Variants in RAB38 observed in about 807,000 individuals in gnomAD.
RAB38 encodes ras-related protein Rab-38.
Under a neutral mutation model 18.4 loss-of-function variants are expected in RAB38, and 15 were observed. The observed-to-expected ratio is 0.82, with a 90% CI of 0.55 to 1.26. RAB38 has a LOEUF of 1.26. Ranked by LOEUF, RAB38 falls within the 50% of genes most tolerant of loss-of-function variation. The pLI, the probability that RAB38 is intolerant of heterozygous loss-of-function variation, is 0.00. For missense variants in RAB38, 294 were observed against 267.4 expected (o/e 1.10, Z -0.69); for synonymous variants, 101 against 104.4 (o/e 0.97, Z 0.20).
At chr11:88,164,068 G>C (rs989722945) in intron 1 of RAB38, among the ~76,000 whole-genome samples, 3 of 152,074 alleles carry the variant, frequency 2.0e-5, no homozygotes, top group Admixed American at 6.6e-5. Context: ...TGAACTGTAA[G>C]CTCAAATGTA....
chr11:87,976,494 T>A, the RAB38 span, among the ~76,000 whole-genome samples: 2 of 105,524 alleles, frequency 1.9e-5, no homozygotes, highest in Non-Finnish European at 3.5e-5. Flanking sequence ...TTTTATATAT[T>A]TATATATTTG....
At chr11:88,156,415 A>G (rs1943125714) in intron 1 of RAB38, among the ~76,000 whole-genome samples, 1 of 152,220 alleles carries the variant, frequency 6.6e-6, no homozygotes, top group Non-Finnish European at 1.5e-5. Flanking sequence ...CAAGAATGTC[A>G]TATCCCAGCT....
chr11:88,053,039 T>G, the RAB38 span, among the ~76,000 whole-genome samples: 1 of 87,344 alleles, frequency 1.1e-5, no homozygotes, highest in Non-Finnish European at 2.4e-5. Flanking sequence ...ATATATAATA[T>G]ATACATATAT....
the RAB38 span, among the ~76,000 whole-genome samples, chr11:87,916,924 C>T: frequency 6.6e-6 from 1 of 152,142 alleles, no homozygotes; most frequent in East Asian, 1.9e-4. Flanking sequence ...TATTATCTCA[C>T]ATGCTTATGA....
chr11:88,175,161 G>C, intron 1 of RAB38, 22 bp downstream of exon 1: 1 of 1,568,912 alleles, frequency 6.4e-7, no homozygotes, highest in Non-Finnish European at 8.7e-7. Flanking sequence ...CTATCCCCCT[G>C]ACCCCCTCCC....
intron 2 of RAB38, among the ~76,000 whole-genome samples, chr11:88,116,908 G>A (rs768839874): frequency 2.4e-4 from 37 of 152,184 alleles, no homozygotes; most frequent in African/African-American, 5.5e-4. Flanking sequence ...AATTCAATGC[G>A]TGTGGGAAAA....
chr11:87,952,160 T>G, the RAB38 span, among the ~76,000 whole-genome samples: 1 of 151,946 alleles, frequency 6.6e-6, no homozygotes, highest in South Asian at 2.1e-4. Flanking sequence ...ATCGGGAGGG[T>G]GGCCAGAGGA....
chr11:87,969,300 TC>T, the RAB38 span, among the ~76,000 whole-genome samples: 12 of 151,004 alleles, frequency 7.9e-5, no homozygotes, highest in East Asian at 1.9e-4. Flanking sequence ...ACCACACATA[TC>T]CCCCCCCAAT....
chr11:87,935,773 C>G, the RAB38 span, among the ~76,000 whole-genome samples: 6 of 152,064 alleles, frequency 3.9e-5, no homozygotes, highest in Non-Finnish European at 8.8e-5. Flanking sequence ...TCCCTGCATC[C>G]ATGAACCTGT....
the RAB38 span, among the ~76,000 whole-genome samples, chr11:88,053,062 T>TA: frequency 1.5e-4 from 4 of 26,564 alleles, no homozygotes; most frequent in Non-Finnish European, 3.8e-4. Flanking sequence ...AATATATATA[T>TA]TATATATATA....
the RAB38 span, among the ~76,000 whole-genome samples, chr11:87,974,983 G>A: frequency 6.6e-6 from 1 of 151,842 alleles, no homozygotes; most frequent in African/African-American, 2.4e-5. Context: ...TGTTGGCAGG[G>A]TTGCTTCCTT....
the RAB38 span, among the ~76,000 whole-genome samples, chr11:87,930,016 A>T: frequency 1.7e-4 from 26 of 152,168 alleles, no homozygotes; most frequent in African/African-American, 5.5e-4. Context: ...ATAGTGCCGC[A>T]ATAAACATAC....
the RAB38 span, among the ~76,000 whole-genome samples, chr11:87,956,721 A>G: frequency 6.6e-6 from 1 of 152,164 alleles, no homozygotes; most frequent in African/African-American, 2.4e-5. Flanking sequence ...TATAAAGCAT[A>G]GTTATAAAAC....
chr11:87,829,547 C>T, the RAB38 span, among the ~76,000 whole-genome samples: 19 of 152,144 alleles, frequency 1.2e-4, no homozygotes, highest in East Asian at 1.9e-3. Flanking sequence ...ATAAAACCAT[C>T]GGATCTTGTG....
At chr11:87,805,310 A>G in the RAB38 span, among the ~76,000 whole-genome samples, 12 of 152,154 alleles carry the variant, frequency 7.9e-5, no homozygotes, top group African/African-American at 2.2e-4. Context: ...ACAAACACCT[A>G]TGCATATACA....
the RAB38 span, among the ~76,000 whole-genome samples, chr11:87,962,814 C>T: frequency 6.6e-6 from 1 of 152,020 alleles, no homozygotes; most frequent in Non-Finnish European, 1.5e-5. Context: ...TAGATGTTTT[C>T]ACCATAAAAA....
chr11:87,830,215 T>C, the RAB38 span, among the ~76,000 whole-genome samples: 2 of 152,150 alleles, frequency 1.3e-5, no homozygotes, highest in Admixed American at 6.6e-5. Context: ...GTGAAGTGAC[T>C]CATGCCTATA....
chr11:88,062,316 C>G, the RAB38 span, among the ~76,000 whole-genome samples: 1 of 152,070 alleles, frequency 6.6e-6, no homozygotes, highest in East Asian at 1.9e-4. Context: ...ATACACTCCT[C>G]TCTCTCACCT....
At chr11:87,847,223 A>T in the RAB38 span, among the ~76,000 whole-genome samples, 4 of 152,142 alleles carry the variant, frequency 2.6e-5, no homozygotes, top group East Asian at 1.9e-4. Flanking sequence ...TCTGTTTTTT[A>T]AAAAAATGAA....
Sources: allele counts gnomAD v4.1 joint callset (sites outside exome capture counted in the v4.1 genomes callset), GRCh38; gene constraint gnomAD v4.1.1; transcripts MANE v1.5; gene names NCBI Gene and HGNC (gene_info 2026-07-23, HGNC 2026-07-21).